Variants in COL22A1 observed in about 807,000 individuals in gnomAD.
The protein encoded by COL22A1 is collagen alpha-1(XXII) chain.
In COL22A1, 221 loss-of-function variants were observed where a neutral mutation model predicts 248.9. The observed-to-expected ratio is 0.89, with a 90% CI of 0.80 to 0.99. COL22A1 has a LOEUF of 0.99. COL22A1 is among the 50% of genes least tolerant of loss of function. The probability of loss-of-function intolerance (pLI) is 0.00; values close to 1 mark genes in which losing one functional copy is unlikely to be tolerated. For synonymous variants in COL22A1, 891 were observed against 793.4 expected (o/e 1.12, Z -2.07); for missense variants, 2,240 against 2,179.0 (o/e 1.03, Z -0.56).
chr8:138,684,554 T>C (rs1307356507), intron 38 of COL22A1, 85 bp from the exon 39 acceptor site: 5 of 934,738 alleles, frequency 5.3e-6, no homozygotes, highest in Non-Finnish European at 8.9e-6. Context: ...GACTGCATCC[T>C]CTGCTGGGGA....
At chr8:138,679,079 C>CCTAAT (rs1269510670) in intron 40 of COL22A1, among the ~76,000 whole-genome samples, 1 of 151,990 alleles carries the variant, frequency 6.6e-6, no homozygotes, top group Non-Finnish European at 1.5e-5. Context: ...ACCACACCTG[C>CCTAAT]CTAATTTTTG....
intron 35 of COL22A1, among the ~76,000 whole-genome samples, chr8:138,691,975 G>GGTGTATGTGTGGAGGT (rs1827011464): frequency 6.9e-5 from 3 of 43,476 alleles, no homozygotes; most frequent in Non-Finnish European, 1.5e-4. Flanking sequence ...CATGTGTGGA[G>GGTGTATGTGTGGAGGT]GTGTGTGTAT....
chr8:138,663,762 T>A, intron 41 of COL22A1, 22 bp from the exon 42 acceptor site: 1 of 1,596,704 alleles, frequency 6.3e-7, no homozygotes, highest in Non-Finnish European at 8.6e-7. Context: ...CAAACAAGTA[T>A]GTAAGCAAAG....
rs556264650 is a variant in COL22A1 at position 138,589,304 on chromosome 8, A to G, written c.4830T>C (p.Cys1610=). 1 of 1,613,858 alleles carries G rather than the reference A, an allele frequency of 6.2e-7. No individual in the cohort carries two copies. Among genetic ancestry groups the G allele is most frequent in the Admixed American group, 1.7e-5 (1 of 59,976 alleles). The change falls in exon 65 of 65, where the codon TGT becomes TGC. Residue 1610 remains cysteine, a synonymous_variant. Coordinates refer to ENST00000303045, the MANE Select transcript of COL22A1 (RefSeq NM_152888.3). ...GPPGQCDPSQ[C]AYFASLAARP... ...GGGCAGCAAGGCTGGCGAAGTAGGC[A>G]CACTGGGAAGGGTCACATTGGCCTG...
chr8:138,775,906 T>G, intron 16 of COL22A1, 60 bp downstream of exon 16: 1 of 1,513,018 alleles, frequency 6.6e-7, no homozygotes. Context: ...GATGGTTCCA[T>G]GCACCCTCTC....
intron 9 of COL22A1, among the ~76,000 whole-genome samples, chr8:138,810,146 G>A (rs1207664715): frequency 2.6e-5 from 4 of 152,184 alleles, no homozygotes; most frequent in South Asian, 2.1e-4. Context: ...AAGAGAGGGA[G>A]GGAAGGAGGA....
At chr8:138,616,454 C>A (rs1188249909) in intron 54 of COL22A1, among the ~76,000 whole-genome samples, 1 of 152,200 alleles carries the variant, frequency 6.6e-6, no homozygotes, top group African/African-American at 2.4e-5. Flanking sequence ...CCATTCTGGG[C>A]ATTCAGAGGA....
In COL22A1 at chr8:138,594,052, C is replaced by T. The variant is rs951294502; in HGVS notation, c.4580G>A (p.Gly1527Asp). ...TATGGGTCCAGAGGGTCCTTCCAGA[C>T]CCCCCTGCCCAGGACGACCTGGCTC... ...MGEPGRPGQG[G>D]LEGPSGPIGP... The change falls in exon 63 of 65, where the codon GGT (glycine) becomes GAT (aspartate). Residue 1527 changes from glycine to aspartate, a missense_variant. Coordinates refer to ENST00000303045, the MANE Select transcript of COL22A1 (RefSeq NM_152888.3). 2 of 1,584,852 alleles carry T rather than the reference C, an allele frequency of 1.3e-6. No homozygotes were observed. The highest frequency in any genetic ancestry group is 1.4e-5 in the African/African-American group (1 of 72,166).
chr8:138,879,209 C>A (rs941370831), intron 2 of COL22A1, among the ~76,000 whole-genome samples: 7 of 152,062 alleles, frequency 4.6e-5, no homozygotes, highest in Non-Finnish European at 8.8e-5. Flanking sequence ...GCTAGAAATC[C>A]ATTTCTGGTT....
At chr8:138,872,155 C>T (rs1823391012) in intron 3 of COL22A1, among the ~76,000 whole-genome samples, 1 of 152,182 alleles carries the variant, frequency 6.6e-6, no homozygotes, top group Non-Finnish European at 1.5e-5. Context: ...GAAAATGAAT[C>T]TCCTCACACA....
At chr8:138,690,351 A>C (rs1337269876) in intron 36 of COL22A1, among the ~76,000 whole-genome samples, 1 of 152,150 alleles carries the variant, frequency 6.6e-6, no homozygotes, top group Non-Finnish European at 1.5e-5. Flanking sequence ...TCGTCAGGCC[A>C]AAAAAGATGC....
intron 1 of COL22A1, among the ~76,000 whole-genome samples, chr8:138,908,802 T>C (rs1815214982): frequency 6.6e-6 from 1 of 152,188 alleles, no homozygotes; most frequent in Non-Finnish European, 1.5e-5. Flanking sequence ...TAATTTATTC[T>C]AAGTACCCCA....
rs541690665 is a variant in COL22A1 at position 138,746,692 on chromosome 8, C to T, written c.2085+4766G>A. Among the ~76,000 whole-genome samples, 5 of 152,320 alleles carry T rather than the reference C, an allele frequency of 3.3e-5. No individual in the cohort carries two copies. In the South Asian group the frequency reaches 8.3e-4, roughly 25 times the overall value. On this transcript the variant is annotated intron_variant, in intron 22 of 64. Transcript: ENST00000303045. The stretch of plus-strand genomic sequence containing the variant: ...TTGCTCTGCACCCTGTGCTAATGCT[C>T]CCACCATCCTGCCTTGTCACTCTTA...
intron 39 of COL22A1, 30 bp downstream of exon 39, chr8:138,684,395 C>A: frequency 1.3e-6 from 2 of 1,541,738 alleles, no homozygotes; most frequent in Non-Finnish European, 1.8e-6. Context: ...CAACTCGTGG[C>A]ACCCACAGTT....
At chr8:138,591,533 G>C (rs1173524360) in intron 63 of COL22A1, 32 bp from the exon 64 acceptor site, 1 of 1,490,406 alleles carries the variant, frequency 6.7e-7, no homozygotes, top group Admixed American at 2.1e-5. Context: ...TTTGATGGTG[G>C]AGACCCCCGG....
chr8:138,778,307 C>A, intron 15 of COL22A1, 46 bp downstream of exon 15: 12 of 1,612,286 alleles, frequency 7.4e-6, no homozygotes, highest in Non-Finnish European at 6.8e-6. Context: ...TTTTTGATTC[C>A]TGGAGAAGGG....
intron 4 of COL22A1, among the ~76,000 whole-genome samples, chr8:138,835,157 T>C (rs1820336047): frequency 6.6e-6 from 1 of 152,162 alleles, no homozygotes; most frequent in African/African-American, 2.4e-5. Flanking sequence ...ACTTTTTGGA[T>C]TGGACCGTTC....
chr8:138,709,535 G>C (rs1385844192), intron 30 of COL22A1, among the ~76,000 whole-genome samples: 1 of 150,474 alleles, frequency 6.6e-6, no homozygotes, highest in African/African-American at 2.4e-5. Flanking sequence ...ACTATCGCAA[G>C]GACAGAAAAC....
chr8:138,607,050 T>C (rs1012730610), intron 57 of COL22A1, among the ~76,000 whole-genome samples: 1 of 152,152 alleles, frequency 6.6e-6, no homozygotes, highest in African/African-American at 2.4e-5. Flanking sequence ...TCCTTTTGCA[T>C]AGCTGTCCCT....
Sources: allele counts gnomAD v4.1 joint callset (sites outside exome capture counted in the v4.1 genomes callset), GRCh38; gene constraint gnomAD v4.1.1; transcripts MANE v1.5; gene names NCBI Gene and HGNC (gene_info 2026-07-23, HGNC 2026-07-21).